CLYBL: variants seen among roughly 807,000 people sequenced by gnomAD.
CLYBL encodes citramalyl-CoA lyase, mitochondrial.
A neutral mutation model predicts 38.9 loss-of-function variants in CLYBL; 31 were observed. The ratio of observed to expected loss-of-function variants is 0.80; its 90% CI spans 0.60 to 1.08. The LOEUF (loss-of-function observed/expected upper bound fraction) is 1.08, where lower values mean the gene tolerates loss of function less well. CLYBL is among the 50% of genes least tolerant of loss of function. The pLI, the probability that CLYBL is intolerant of heterozygous loss-of-function variation, is 0.00. For missense variants in CLYBL, 434 were observed against 411.6 expected, an observed-to-expected ratio of 1.05 and a Z score of -0.47; for synonymous variants, 171 against 158.6, an observed-to-expected ratio of 1.08 and a Z score of -0.59.
intron 1 of CLYBL, among the ~76,000 whole-genome samples, chr13:99,679,892 G>A (rs538800163): frequency 6.6e-6 from 1 of 152,096 alleles, no homozygotes; most frequent in Non-Finnish European, 1.5e-5. Flanking sequence ...AGATCCTGAT[G>A]TGAGAAACAG....
Position 99,865,033 on chromosome 13 carries a change from A to G in CLYBL, c.634+122A>G, listed in dbSNP as rs757163916. 2.6e-6 allele frequency: 2 copies of G among 768,052 alleles called. No homozygotes were observed. Among genetic ancestry groups the G allele is most frequent in the African/African-American group, 3.4e-5 (2 of 58,234 alleles). The allele number at this position is 768,052 out of a possible 1,614,324, so 47.6% of individuals were successfully genotyped here. On this transcript the variant is annotated intron_variant, in intron 5 of 8. Transcript: ENST00000339105. The surrounding 1 kb of genome is among the most constrained non-coding windows in gnomAD (Gnocchi z 4.7). ...ACAATGTATATTTGCCAACCATGAC[A>G]ATGGTTTTTCATGACAATGGAATGG...
chr13:99,631,802 T>C (rs1344628662), intron 1 of CLYBL, among the ~76,000 whole-genome samples: 2 of 152,178 alleles, frequency 1.3e-5, no homozygotes, highest in African/African-American at 4.8e-5. Flanking sequence ...TTTCACCATG[T>C]TGACCAGCCA....
rs530774080 is a variant in CLYBL at position 99,766,716 on chromosome 13, C to G, written c.63-6108C>G. Among the ~76,000 whole-genome samples, 8 of 152,216 alleles carry G rather than the reference C, an allele frequency of 5.3e-5. 1 individual carries two copies. In the South Asian group the frequency reaches 1.5e-3, roughly 28 times the overall value. On this transcript the variant is annotated intron_variant, in intron 1 of 8. Transcript: ENST00000339105. Reference sequence around the variant, plus strand: ...CTGGGTCACTGCCTCCTTTTTAGCTCTAGGTGGAGCCTTAAACCCAGGTTC... The same window carrying G: ...CTGGGTCACTGCCTCCTTTTTAGCTGTAGGTGGAGCCTTAAACCCAGGTTC...
intron 1 of CLYBL, among the ~76,000 whole-genome samples, chr13:99,757,783 A>G (rs760463934): frequency 3.9e-5 from 6 of 152,184 alleles, no homozygotes; most frequent in Non-Finnish European, 5.9e-5. Flanking sequence ...TAAACGTTCC[A>G]TAGCCTAGGT....
rs369607211 is a variant in CLYBL at position 99,725,286 on chromosome 13, C to T, written c.63-47538C>T. On this transcript the variant is annotated intron_variant, in intron 1 of 8. Coordinates refer to ENST00000339105, the MANE Select transcript of CLYBL (RefSeq NM_206808.5). ...AGATGGTGACTTGCTGTGGTAATAC[C>T]GTGCGGTTTTTTTAAGGTTCTGGAC... Among the ~76,000 whole-genome samples the T allele has an allele frequency of 7.9e-5, 12 of 152,170 alleles. 1 individual carries two copies. In the South Asian group the frequency reaches 1.7e-3, roughly 21 times the overall value.
chr13:99,727,851 G>A (rs958242574), intron 1 of CLYBL, among the ~76,000 whole-genome samples: 1 of 152,152 alleles, frequency 6.6e-6, no homozygotes, highest in African/African-American at 2.4e-5. Context: ...GCCGAGGTGG[G>A]CGGATCACTT....
intron 1 of CLYBL, among the ~76,000 whole-genome samples, chr13:99,695,995 C>T (rs901988986): frequency 6.6e-6 from 1 of 152,136 alleles, no homozygotes; most frequent in Non-Finnish European, 1.5e-5. Flanking sequence ...TGAGCCCCAA[C>T]AGTAACAAAG....
intron 1 of CLYBL, among the ~76,000 whole-genome samples, chr13:99,644,206 G>A (rs1566597341): frequency 1.4e-5 from 2 of 144,994 alleles, no homozygotes; most frequent in Non-Finnish European, 1.5e-5. Flanking sequence ...TGTGGTGTAT[G>A]TGTATATGTG....
chr13:99,868,556 G>A (rs1012260020), intron 6 of CLYBL, among the ~76,000 whole-genome samples: 3 of 152,208 alleles, frequency 2.0e-5, no homozygotes, highest in Admixed American at 1.3e-4. Flanking sequence ...GACTAAGTCT[G>A]TGCTATAAGG....
chr13:99,750,106 G>A (rs2048927395), intron 1 of CLYBL, among the ~76,000 whole-genome samples: 1 of 152,192 alleles, frequency 6.6e-6, no homozygotes, highest in African/African-American at 2.4e-5. Flanking sequence ...GACGAGGTCA[G>A]ACCCACAGGC....
chr13:99,883,505 C>G (rs1314523205), intron 7 of CLYBL, among the ~76,000 whole-genome samples: 2 of 144,202 alleles, frequency 1.4e-5, no homozygotes, highest in Non-Finnish European at 3.0e-5. Context: ...GGCAACAGGG[C>G]TAGACTCCAT....
intron 2 of CLYBL, among the ~76,000 whole-genome samples, chr13:99,809,857 G>A (rs1284912963): frequency 6.6e-6 from 1 of 152,160 alleles, no homozygotes; most frequent in Non-Finnish European, 1.5e-5. Flanking sequence ...AGAGCCTGAA[G>A]GAACTTCAGG....
intron 1 of CLYBL, among the ~76,000 whole-genome samples, chr13:99,703,523 C>T (rs2048101515): frequency 6.6e-6 from 1 of 152,106 alleles, no homozygotes; most frequent in African/African-American, 2.4e-5. Flanking sequence ...GCACATGCCA[C>T]CATGCCCAGC....
intron 1 of CLYBL, among the ~76,000 whole-genome samples, chr13:99,649,591 C>T (rs960441922): frequency 1.3e-5 from 2 of 152,196 alleles, no homozygotes; most frequent in African/African-American, 2.4e-5. Flanking sequence ...GTCCACCAGG[C>T]GCTGTGGCTC....
intron 2 of CLYBL, among the ~76,000 whole-genome samples, chr13:99,809,688 T>C (rs946405476): frequency 6.6e-6 from 1 of 152,158 alleles, no homozygotes; most frequent in African/African-American, 2.4e-5. Context: ...CCATCGAGGG[T>C]GTGACGGCTG....
chr13:99,882,049 A>G (rs1436600827), intron 7 of CLYBL, among the ~76,000 whole-genome samples: 1 of 152,194 alleles, frequency 6.6e-6, no homozygotes. Context: ...ATCTTATGTA[A>G]TAATATTTCT....
In CLYBL at chr13:99,708,091, G is replaced by A. The variant is rs112838498; in HGVS notation, c.63-64733G>A. ...TTCCACCCCCTGGGTTCATTCTCCT[G>A]CCTCAGCCTCCCAAGTAGCAGGGAT... On this transcript the variant is annotated intron_variant, in intron 1 of 8. Coordinates refer to ENST00000339105, the MANE Select transcript of CLYBL (RefSeq NM_206808.5). Among the ~76,000 whole-genome samples, 518 of 152,220 alleles carry A rather than the reference G, an allele frequency of 3.4e-3. 3 individuals carry two copies. Among genetic ancestry groups the A allele is most frequent in the African/African-American group, 0.012 (497 of 41,532 alleles).
chr13:99,820,715 G>C (rs1405736589), intron 2 of CLYBL, among the ~76,000 whole-genome samples: 4 of 152,146 alleles, frequency 2.6e-5, no homozygotes, highest in African/African-American at 7.2e-5. Context: ...CTGACAATTT[G>C]CATGTGTGTG....
At chr13:99,837,852 A>G (rs2050975719) in intron 2 of CLYBL, among the ~76,000 whole-genome samples, 1 of 152,254 alleles carries the variant, frequency 6.6e-6, no homozygotes, top group Non-Finnish European at 1.5e-5. Context: ...TAAAGTGGAT[A>G]TCCCCAAGAA....
Sources: gnomAD v4.1 joint callset for allele counts (sites outside exome capture counted in the v4.1 genomes callset) on GRCh38, gnomAD v4.1.1 for gene constraint, Gnocchi (gnomAD v3.1) non-coding constraint, MANE v1.5 for transcripts, NCBI Gene and HGNC (gene_info 2026-07-23, HGNC 2026-07-21) for gene names.